CLASP2: variants seen among roughly 807,000 people sequenced by gnomAD.
CLASP2 encodes the protein CLIP-associating protein 2.
CLASP2 carries 47 observed loss-of-function variants against 194.4 expected under a neutral mutation model. That is an observed-to-expected ratio of 0.24 (90% CI 0.19 to 0.31). The LOEUF (loss-of-function observed/expected upper bound fraction) is 0.31. Among genes scored for constraint, CLASP2 ranks in the 10% least tolerant of loss-of-function variants. The pLI, the probability that CLASP2 is intolerant of heterozygous loss-of-function variation, is 1.00. For missense variants in CLASP2, 1,445 were observed against 1,823.6 expected (o/e 0.79, Z 3.78); for synonymous variants, 619 against 633.5 (o/e 0.98, Z 0.34).
chr3:33,562,504 T>C (rs2061957344), intron 27 of CLASP2, among the ~76,000 whole-genome samples: 1 of 152,306 alleles, frequency 6.6e-6, no homozygotes, highest in Non-Finnish European at 1.5e-5. Flanking sequence ...AGAGAGTCAA[T>C]TGTTAAATAT....
intron 1 of CLASP2, among the ~76,000 whole-genome samples, chr3:33,699,663 T>A (rs533774016): frequency 9.2e-5 from 14 of 152,100 alleles, no homozygotes; most frequent in Non-Finnish European, 1.8e-4. Flanking sequence ...TTCCTACAAA[T>A]ATATACCTAT....
intron 6 of CLASP2, among the ~76,000 whole-genome samples, chr3:33,668,314 T>C (rs2086564054): frequency 6.6e-6 from 1 of 152,262 alleles, no homozygotes; most frequent in Non-Finnish European, 1.5e-5. Flanking sequence ...GGTTCTGATA[T>C]AAATTTAAGA....
intron 6 of CLASP2, among the ~76,000 whole-genome samples, chr3:33,677,264 T>C (rs1273364489): frequency 2.0e-5 from 3 of 152,080 alleles, no homozygotes; most frequent in East Asian, 1.9e-4. Flanking sequence ...TTTATGTTTA[T>C]TGCGGCATTA....
chr3:33,543,651 A>G, intron 31 of CLASP2, 112 bp from the exon 32 acceptor site: 1 of 642,076 alleles, frequency 1.6e-6, no homozygotes, highest in Non-Finnish European at 2.8e-6. Flanking sequence ...GGCCATATTT[A>G]CAGGTCAATA....
intron 13 of CLASP2, among the ~76,000 whole-genome samples, chr3:33,609,533 G>A (rs946132773): frequency 6.6e-6 from 1 of 151,954 alleles, no homozygotes; most frequent in African/African-American, 2.4e-5. Flanking sequence ...CTCCTTCCTT[G>A]GCATTTGATG....
intron 1 of CLASP2, among the ~76,000 whole-genome samples, chr3:33,707,554 T>A (rs2154355845): frequency 6.6e-6 from 1 of 152,312 alleles, no homozygotes; most frequent in South Asian, 2.1e-4. Context: ...ACACTGAACG[T>A]TAATGGCCTC....
At chr3:33,530,026 A>G (rs907396199) in intron 34 of CLASP2, among the ~76,000 whole-genome samples, 1 of 149,990 alleles carries the variant, frequency 6.7e-6, no homozygotes, top group African/African-American at 2.4e-5. Context: ...TTCAAGGGTA[A>G]TAACATGCAT....
intron 37 of CLASP2, chr3:33,502,593 C>T (rs2047089823): frequency 6.6e-6 from 1 of 152,180 alleles, no homozygotes; most frequent in Non-Finnish European, 1.5e-5. Flanking sequence ...GTCCATCTCT[C>T]CCACTTACGC....
chr3:33,607,496 T>C (rs367734986), intron 14 of CLASP2, 35 bp from the exon 15 acceptor site: 124 of 1,451,176 alleles, frequency 8.5e-5, no homozygotes, highest in Admixed American at 1.2e-4. Context: ...AGTTATGATA[T>C]AGCTGTATGT....
At chr3:33,659,425 A>G in intron 7 of CLASP2, 2 of 1,002,172 alleles carry the variant, frequency 2.0e-6, no homozygotes, top group African/African-American at 1.7e-5. Context: ...AAAGATATCC[A>G]TGTAATCAGT....
At chr3:33,713,018 A>C (rs1277170651) in intron 1 of CLASP2, among the ~76,000 whole-genome samples, 1 of 91,050 alleles carries the variant, frequency 1.1e-5, no homozygotes, top group Non-Finnish European at 2.3e-5. Context: ...ACCTCAAAAA[A>C]AAAAAAAAAA....
At chr3:33,703,147 T>C (rs1346251605) in intron 1 of CLASP2, among the ~76,000 whole-genome samples, 5 of 152,222 alleles carry the variant, frequency 3.3e-5, no homozygotes, top group Non-Finnish European at 7.3e-5. Context: ...CTATGGAAGA[T>C]GTCTACAGAA....
chr3:33,633,051 G>A (rs928923784), intron 8 of CLASP2, among the ~76,000 whole-genome samples: 2 of 152,110 alleles, frequency 1.3e-5, no homozygotes, highest in East Asian at 1.9e-4. Context: ...GCTAAAGGAA[G>A]GGAACTGTTT....
chr3:33,717,399 G>A (rs1253728562), intron 1 of CLASP2, among the ~76,000 whole-genome samples: 1 of 151,996 alleles, frequency 6.6e-6, no homozygotes, highest in Non-Finnish European at 1.5e-5. Context: ...GTGGGGACGC[G>A]GGACCCCCCT....
chr3:33,708,511 T>C (rs2092822107), intron 1 of CLASP2, among the ~76,000 whole-genome samples: 1 of 119,600 alleles, frequency 8.4e-6, no homozygotes, highest in African/African-American at 3.6e-5. Flanking sequence ...TATATGTATA[T>C]ATATGTATAT....
chr3:33,569,638 T>C (rs1007357610), intron 26 of CLASP2, among the ~76,000 whole-genome samples: 1 of 152,166 alleles, frequency 6.6e-6, no homozygotes, highest in Non-Finnish European at 1.5e-5. Context: ...TTACAAACTT[T>C]AAAAGATTTT....
Position 33,575,257 on chromosome 3 carries a change from G to T in CLASP2, c.2454+912C>A, listed in dbSNP as rs571878873. 3.3e-5 allele frequency among the ~76,000 whole-genome samples: 5 copies of T among 152,182 alleles called. No homozygotes were observed. In the South Asian group the frequency reaches 1.0e-3, roughly 32 times the overall value. ...CGGGAAAAATTCAGCACAGCGAAAT[G>T]GTTAGCGCAGAACTACACGTGTGAT... On this transcript the variant is annotated intron_variant, in intron 24 of 38. Transcript: ENST00000682230.
intron 33 of CLASP2, among the ~76,000 whole-genome samples, chr3:33,537,688 T>C (rs2057622022): frequency 1.3e-5 from 2 of 152,178 alleles, no homozygotes; most frequent in Admixed American, 1.3e-4. Context: ...TGAGAGTCAG[T>C]TACTTGCATA....
At position 33,517,008 on chromosome 3, in the gene CLASP2, T is replaced by C. The variant is rs765231638; in HGVS notation, c.3954A>G (p.Leu1318=). 5 of 1,613,146 alleles carry C rather than the reference T, an allele frequency of 3.1e-6. No individual in the cohort carries two copies. The highest frequency in any genetic ancestry group is 4.2e-6 in the Non-Finnish European group (5 of 1,179,680). Residue 1318 remains leucine, a synonymous_variant, in exon 35 of 39, where the codon TTA becomes TTG. Transcript: ENST00000682230. ...CTTTATCTCCAAGCGTTTCAAGCAATAAAAGCAATATTGTTTTGAAGTGTT... is the reference window on the plus strand; with the variant it reads ...CTTTATCTCCAAGCGTTTCAAGCAACAAAAGCAATATTGTTTTGAAGTGTT... ...WDEHFKTILL[L]LLETLGDKEP...
Sources: allele counts gnomAD v4.1 joint callset (sites outside exome capture counted in the v4.1 genomes callset), GRCh38; gene constraint gnomAD v4.1.1; transcripts MANE v1.5; gene names NCBI Gene and HGNC (gene_info 2026-07-23, HGNC 2026-07-21).